The following PTCHD4 variants were observed in gnomAD, a reference collection of about 807,000 sequenced individuals.
The protein encoded by PTCHD4 is patched domain-containing protein 4.
PTCHD4 carries 33 observed loss-of-function variants against 58.1 expected under a neutral mutation model. The ratio of observed to expected loss-of-function variants is 0.57; its 90% CI spans 0.43 to 0.76. The LOEUF is 0.76. PTCHD4 is among the 30% of genes least tolerant of loss of function. The pLI is 0.00. For synonymous variants in PTCHD4, 478 were observed against 409.6 expected (o/e 1.17, Z -2.02); for missense variants, 1,058 against 1,027.1 (o/e 1.03, Z -0.41).
intron 1 of PTCHD4, among the ~76,000 whole-genome samples, chr6:48,088,577 G>A (rs1486836851): frequency 6.6e-6 from 1 of 152,110 alleles, no homozygotes; most frequent in Non-Finnish European, 1.5e-5. Flanking sequence ...GCTGTGATAT[G>A]AAAATCAGCA....
chr6:48,067,739 C>G (rs765459621), intron 3 of PTCHD4, among the ~76,000 whole-genome samples: 4 of 152,184 alleles, frequency 2.6e-5, no homozygotes, highest in Non-Finnish European at 4.4e-5. Flanking sequence ...AGGATTCCCC[C>G]TCCCCCTTCC....
intron 3 of PTCHD4, among the ~76,000 whole-genome samples, chr6:48,060,239 C>G (rs1764572903): frequency 6.6e-6 from 1 of 152,160 alleles, no homozygotes; most frequent in South Asian, 2.1e-4. Context: ...ATGGCCTGCA[C>G]TGACAATCAG....
At chr6:48,023,064 C>T (rs781181120) in intron 3 of PTCHD4, among the ~76,000 whole-genome samples, 3 of 152,130 alleles carry the variant, frequency 2.0e-5, no homozygotes, top group Non-Finnish European at 2.9e-5. Context: ...AAGTCAGCAG[C>T]ACATTAAACT....
At chr6:48,088,872 T>C (rs1466880304) in intron 1 of PTCHD4, among the ~76,000 whole-genome samples, 2 of 152,066 alleles carry the variant, frequency 1.3e-5, no homozygotes, top group Non-Finnish European at 2.9e-5. Flanking sequence ...GGTAAAACCC[T>C]GTCTCTCCTA....
intron 3 of PTCHD4, among the ~76,000 whole-genome samples, chr6:48,021,953 A>G (rs1486951202): frequency 6.6e-6 from 1 of 152,188 alleles, no homozygotes; most frequent in Non-Finnish European, 1.5e-5. Context: ...TGGAGTACAT[A>G]TCTCAAGGAA....
At chr6:47,935,797 A>T (rs1434544821) in intron 4 of PTCHD4, among the ~76,000 whole-genome samples, 2 of 152,212 alleles carry the variant, frequency 1.3e-5, no homozygotes, top group African/African-American at 4.8e-5. Flanking sequence ...GATGAGTGAG[A>T]CAGGTAATGA....
intron 4 of PTCHD4, among the ~76,000 whole-genome samples, chr6:47,944,977 T>G (rs1766361201): frequency 6.6e-6 from 1 of 152,086 alleles, no homozygotes; most frequent in African/African-American, 2.4e-5. Context: ...TGTAGAGTCA[T>G]GCATCCAGAA....
intron 1 of PTCHD4, among the ~76,000 whole-genome samples, chr6:48,094,008 G>A (rs1265180591): frequency 6.6e-6 from 1 of 152,164 alleles, no homozygotes; most frequent in Admixed American, 6.5e-5. Context: ...GACATAAAAT[G>A]TGTAATAGGG....
chr6:47,906,424 A>G (rs1258092079), intron 4 of PTCHD4, among the ~76,000 whole-genome samples: 1 of 152,008 alleles, frequency 6.6e-6, no homozygotes, highest in African/African-American at 2.4e-5. Context: ...CATGAGACAT[A>G]TTGCAAACTT....
chr6:48,045,192 G>A (rs2114159027), intron 3 of PTCHD4, among the ~76,000 whole-genome samples: 1 of 151,902 alleles, frequency 6.6e-6, no homozygotes, highest in East Asian at 1.9e-4. Flanking sequence ...GTCCAGGAGA[G>A]ACAACTGCAT....
intron 1 of PTCHD4, among the ~76,000 whole-genome samples, chr6:48,087,047 G>A (rs1207034506): frequency 6.6e-6 from 1 of 152,068 alleles, no homozygotes; most frequent in Non-Finnish European, 1.5e-5. Context: ...CACTGACATG[G>A]TAGACACAGA....
At chr6:48,108,444 G>A (rs1004675894) in intron 1 of PTCHD4, among the ~76,000 whole-genome samples, 1 of 152,008 alleles carries the variant, frequency 6.6e-6, no homozygotes, top group Non-Finnish European at 1.5e-5. Flanking sequence ...ACACACCAGG[G>A]ACTGTTGTGG....
At chr6:47,894,464 A>C (rs928498762) in intron 4 of PTCHD4, among the ~76,000 whole-genome samples, 1 of 152,220 alleles carries the variant, frequency 6.6e-6, no homozygotes, top group Non-Finnish European at 1.5e-5. Context: ...ACCTTCAACA[A>C]GAAACTGCTC....
chr6:47,928,011 T>C (rs12213871), intron 4 of PTCHD4, among the ~76,000 whole-genome samples: 1,839 of 152,264 alleles, frequency 0.012, 15 homozygotes, highest in Middle Eastern at 0.034. Flanking sequence ...TTGTCTTTCA[T>C]ATAAAATTTT....
intron 4 of PTCHD4, among the ~76,000 whole-genome samples, chr6:47,947,922 C>CT (rs1030713399): frequency 6.6e-6 from 1 of 152,116 alleles, no homozygotes; most frequent in African/African-American, 2.4e-5. Context: ...AATTTTCTCA[C>CT]TTTGTCCTGT....
chr6:48,023,253 C>T (rs555199887), intron 3 of PTCHD4, among the ~76,000 whole-genome samples: 26 of 152,202 alleles, frequency 1.7e-4, no homozygotes, highest in African/African-American at 5.3e-4. Flanking sequence ...CATATATCCC[C>T]ATTTTTGTTT....
At chr6:48,005,711 T>C (rs1641656900) in intron 4 of PTCHD4, among the ~76,000 whole-genome samples, 1 of 152,218 alleles carries the variant, frequency 6.6e-6, no homozygotes, top group South Asian at 2.1e-4. Flanking sequence ...CAAAGGAGAC[T>C]ATAGATTAGA....
intron 4 of PTCHD4, chr6:47,901,825 C>T (rs1164696623): frequency 7.7e-7 from 1 of 1,290,472 alleles, no homozygotes; most frequent in African/African-American, 1.5e-5. Context: ...CACATATAAT[C>T]TTCCAAATGT....
chr6:48,013,023 C>T (rs1320942781), intron 3 of PTCHD4, among the ~76,000 whole-genome samples: 1 of 152,000 alleles, frequency 6.6e-6, no homozygotes, highest in African/African-American at 2.4e-5. Flanking sequence ...GGGATATTGG[C>T]CTGAAATTTC....
Sources: gnomAD v4.1 joint callset for allele counts (sites outside exome capture counted in the v4.1 genomes callset) on GRCh38, gnomAD v4.1.1 for gene constraint, MANE v1.5 for transcripts, NCBI Gene and HGNC (gene_info 2026-07-23, HGNC 2026-07-21) for gene names.